Variants in TLE6 observed in about 807,000 individuals in gnomAD.
TLE6 encodes transducin-like enhancer protein 6.
TLE6 carries 72 observed loss-of-function variants against 77.1 expected under a neutral mutation model. That is an observed-to-expected ratio of 0.93 (90% CI 0.77 to 1.14). The LOEUF is 1.14. TLE6 is among the 50% of genes most tolerant of loss of function. The probability of loss-of-function intolerance (pLI) is 0.00; values close to 1 mark genes in which losing one functional copy is unlikely to be tolerated. For missense variants in TLE6, 843 were observed against 747.6 expected (o/e 1.13, Z -1.49); for synonymous variants, 366 against 287.3 (o/e 1.27, Z -2.77).
At chr19:2,992,794 G>C (rs1415778953) in intron 14 of TLE6, among the ~76,000 whole-genome samples, 569 of 10,944 alleles carry the variant, frequency 0.052, 48 homozygotes, top group African/African-American at 0.16. Flanking sequence ...AAAAAAAAAA[G>C]GGGGGGAGGC....
At chr19:2,994,433 T>A (rs977303176) in intron 16 of TLE6, among the ~76,000 whole-genome samples, 3 of 151,790 alleles carry the variant, frequency 2.0e-5, no homozygotes, top group African/African-American at 4.8e-5. Context: ...ACACGGTGAA[T>A]CCCTGTCTCT....
At chr19:2,993,130 A>C (rs113025698) in intron 14 of TLE6, among the ~76,000 whole-genome samples, 2 of 151,610 alleles carry the variant, frequency 1.3e-5, no homozygotes, top group African/African-American at 4.9e-5. Flanking sequence ...AGAATCGCTT[A>C]AACCCCAGGA....
Position 2,989,216 on chromosome 19 carries a change from G to C in TLE6, c.896G>C (p.Arg299Pro). 1.9e-6 allele frequency: 3 copies of C among 1,614,132 alleles called. No individual in the cohort carries two copies. Among genetic ancestry groups the C allele is most frequent in the Non-Finnish European group, 2.5e-6 (3 of 1,180,042 alleles). Reference protein sequence around the residue: ...VLATAISSFTRHVFTCGRRGI... With the variant: ...VLATAISSFTPHVFTCGRRGI... ...GCCACGGCCATCAGCAGCTTCACGCGGCACGTGTTCACCTGTGGCAGAAGA... is the reference window on the plus strand; with the variant it reads ...GCCACGGCCATCAGCAGCTTCACGCCGCACGTGTTCACCTGTGGCAGAAGA... Residue 299 changes from arginine to proline, a missense_variant, in exon 12 of 17, where the codon CGG becomes CCG. Arg to Pro is a moderately radical substitution (Grantham distance 103, BLOSUM62 -2). Transcript: ENST00000246112.
chr19:2,983,813 G>C (rs914276164), intron 5 of TLE6: 1 of 152,582 alleles, frequency 6.6e-6, no homozygotes, highest in Non-Finnish European at 1.5e-5. Context: ...GGACAGTCCA[G>C]GTGTGGAATG....
intron 1 of TLE6, 133 bp from the exon 2 acceptor site, chr19:2,978,055 AGGGAACGCAT>A: frequency 1.6e-6 from 1 of 624,290 alleles, no homozygotes; most frequent in Non-Finnish European, 2.9e-6. Context: ...GACAGGACCT[AGGGAACGCAT>A]GGGAGAACCG....
intron 4 of TLE6, 135 bp downstream of exon 4, chr19:2,981,718 C>A (rs2088801381): frequency 4.1e-6 from 4 of 984,252 alleles, no homozygotes; most frequent in East Asian, 2.6e-5. Context: ...CGCCTGTAAT[C>A]CCAGCACTAT....
At position 2,978,152 on chromosome 19, in the gene TLE6, C is replaced by T. The variant is rs927908853; in HGVS notation, c.-36-46C>T. 15 of 1,448,834 alleles carry T rather than the reference C, an allele frequency of 1.0e-5. No individual in the cohort carries two copies. In the African/African-American group the frequency reaches 1.1e-4, roughly 11 times the overall value. The allele number at this position is 1,448,834 out of a possible 1,614,324, so 89.7% of individuals were successfully genotyped here. A position where few individuals can be genotyped will look rare whatever the true frequency, so the allele number is the denominator to read the frequency against. Reference sequence around the variant, plus strand: ...CGGGTGCCTTGCTTCCCTGGCACTGCCTTATTTTCTGTCCCTCAAGACCTG... The same window carrying T: ...CGGGTGCCTTGCTTCCCTGGCACTGTCTTATTTTCTGTCCCTCAAGACCTG... On this transcript the variant is annotated intron_variant, in intron 1 of 16. Coordinates refer to ENST00000246112, the MANE Select transcript of TLE6 (RefSeq NM_001143986.2).
chr19:2,980,573 A>C (rs1356223139), intron 3 of TLE6, among the ~76,000 whole-genome samples: 1 of 150,694 alleles, frequency 6.6e-6, no homozygotes, highest in Admixed American at 6.6e-5. Flanking sequence ...GCGTCTCTAC[A>C]AAAAATACAA....
chr19:2,981,081 C>T (rs981996850), intron 3 of TLE6, among the ~76,000 whole-genome samples: 4 of 148,332 alleles, frequency 2.7e-5, no homozygotes, highest in African/African-American at 7.5e-5. Flanking sequence ...AGTGGCGGGG[C>T]GCGGTGGCTC....
rs767135360 is a variant in TLE6 at position 2,988,087 on chromosome 19, G to T, written c.703-4G>T. 6.4e-7 allele frequency: 1 copy of T among 1,552,660 alleles called. No homozygotes were observed. Among genetic ancestry groups the T allele is most frequent in the Non-Finnish European group, 8.7e-7 (1 of 1,147,504 alleles). On this transcript the variant is annotated splice_region_variant and splice_polypyrimidine_tract_variant and intron_variant, in intron 10 of 16. Coordinates refer to ENST00000246112, the MANE Select transcript of TLE6 (RefSeq NM_001143986.2). Reference sequence around the variant, plus strand: ...GGGGCAGCTGTGATCTCCCCCGCCTGCAGGAGCCTCCTGGAAGAGCCTCTC... The same window carrying T: ...GGGGCAGCTGTGATCTCCCCCGCCTTCAGGAGCCTCCTGGAAGAGCCTCTC...
In TLE6 at chr19:2,995,059, C is replaced by CCT; in HGVS notation, c.*56_*57insTC. 2.0e-6 allele frequency: 2 copies of CCT among 1,024,674 alleles called. No individual in the cohort carries two copies. The highest frequency in any genetic ancestry group is 2.9e-6 in the Non-Finnish European group (2 of 684,340). The allele number at this position is 1,024,674 out of a possible 1,614,324, so 63.5% of individuals were successfully genotyped here. ...CTCCTCTTTTCATCCCCCCCCTTCC[C>CCT]CCCCCCCAACAAGGGGGACATGGTG... is the stretch of plus-strand genomic sequence containing the variant. On this transcript the variant is annotated 3_prime_UTR_variant, in exon 17 of 17. Transcript: ENST00000246112.
Position 2,994,048 on chromosome 19 carries a change from G to A in TLE6, c.1567G>A (p.Asp523Asn), listed in dbSNP as rs559972945. The A allele has an allele frequency of 3.4e-5, 54 of 1,608,024 alleles. No homozygotes were observed. The highest frequency in any genetic ancestry group is 3.2e-4 in the South Asian group (29 of 89,420). ...GQWWASVGMD[D>N]FLGVYSMPAG... ...GTGGTGGGCAAGCGTTGGAATGGAC[G>A]ACTTCCTTGGCGTCTACAGCATGCC... The change falls in exon 16 of 17, where the codon GAC becomes AAC. Residue 523 changes from aspartate (D) to asparagine (N), a missense_variant. Transcript: ENST00000246112.
At chr19:2,993,361 G>A (rs907686780) in intron 14 of TLE6, 71 bp from the exon 15 acceptor site, 4 of 1,508,858 alleles carry the variant, frequency 2.7e-6, no homozygotes, top group Middle Eastern at 2.0e-4. Flanking sequence ...TAGGTCCCCA[G>A]GCTCCTGCCT....
At chr19:2,983,612 G>C (rs2088843407) in intron 5 of TLE6, among the ~76,000 whole-genome samples, 1 of 119,202 alleles carries the variant, frequency 8.4e-6, no homozygotes, top group African/African-American at 3.9e-5. Flanking sequence ...GGCTGGAGCA[G>C]AGTGAGAGGA....
intron 5 of TLE6, among the ~76,000 whole-genome samples, chr19:2,986,071 CAAAAAAAAAAAAAAAAAAAAAAAAAAA>C (rs547031586): frequency 5.1e-4 from 21 of 41,246 alleles, no homozygotes; most frequent in African/African-American, 9.2e-4. Context: ...GAGACTGTCT[CAAAAAAAAAAAAAAAAAAAAAAAAAAA>C]AAAAAAAAAA....
chr19:2,983,104 G>A (rs1182886092), intron 5 of TLE6, among the ~76,000 whole-genome samples: 2 of 152,188 alleles, frequency 1.3e-5, no homozygotes, highest in Non-Finnish European at 2.9e-5. Flanking sequence ...TAACTGGCAG[G>A]GGCCCAGGGC....
At chr19:2,988,490 C>T (rs976514726) in intron 11 of TLE6, among the ~76,000 whole-genome samples, 5 of 151,966 alleles carry the variant, frequency 3.3e-5, no homozygotes, top group African/African-American at 1.2e-4. Flanking sequence ...CCCAGCTACT[C>T]GGGAGGCTGA....
intron 11 of TLE6, among the ~76,000 whole-genome samples, chr19:2,988,466 T>C (rs910425443): frequency 2.0e-5 from 3 of 151,924 alleles, no homozygotes; most frequent in Middle Eastern, 3.2e-3. Flanking sequence ...GGCGTGGTGG[T>C]GGGTGCCTTT....
rs199531401 is a variant in TLE6, at chr19:2,988,006, G to A, written c.702+32G>A. On this transcript the variant is annotated intron_variant, in intron 10 of 16. Transcript: ENST00000246112. ...CCCAGGCCCGAGCTGGTAGCCCAGC[G>A]TGAAGGCTGCCCAGGGTGGGGTAGA... The A allele has an allele frequency of 4.7e-4, 755 of 1,598,540 alleles. 1 individual carries two copies. Among genetic ancestry groups the A allele is most frequent in the African/African-American group, 3.1e-3 (230 of 74,596 alleles).
Sources: gnomAD v4.1 joint callset for allele counts (sites outside exome capture counted in the v4.1 genomes callset) on GRCh38, gnomAD v4.1.1 for gene constraint, MANE v1.5 for transcripts, NCBI Gene and HGNC (gene_info 2026-07-23, HGNC 2026-07-21) for gene names.